ITPR2: variants seen among roughly 807,000 people sequenced by gnomAD.
ITPR2 encodes inositol 1,4,5-trisphosphate receptor type 2, also known as inositol 1,4,5-trisphosphate-gated calcium channel ITPR2.
A neutral mutation model predicts 317.1 loss-of-function variants in ITPR2; 207 were observed. That is an observed-to-expected ratio of 0.65 (90% CI 0.58 to 0.73). The LOEUF is 0.73. Among genes scored for constraint, ITPR2 ranks in the 30% least tolerant of loss-of-function variants. The probability of loss-of-function intolerance (pLI) is 0.00; values close to 1 mark genes in which losing one functional copy is unlikely to be tolerated. For synonymous variants in ITPR2, 1,156 were observed against 1,149.1 expected (o/e 1.01, Z -0.12); for missense variants, 2,613 against 3,284.0 (o/e 0.80, Z 4.99).
intron 47 of ITPR2, among the ~76,000 whole-genome samples, chr12:26,438,564 GAGAT>G (rs1941414000): frequency 1.3e-5 from 2 of 152,154 alleles, no homozygotes; most frequent in South Asian, 4.1e-4. Context: ...TGGGACCTAA[GAGAT>G]AGGTCATGGG....
chr12:26,811,964 C>T (rs1429277820), intron 1 of ITPR2, among the ~76,000 whole-genome samples: 1 of 151,196 alleles, frequency 6.6e-6, no homozygotes. Flanking sequence ...GAGTTCAAGA[C>T]CAGCCTGGCC....
chr12:26,643,377 A>G (rs1011805312), intron 21 of ITPR2, among the ~76,000 whole-genome samples: 8 of 152,244 alleles, frequency 5.3e-5, no homozygotes, highest in Non-Finnish European at 1.0e-4. Flanking sequence ...GAAACTGGGT[A>G]GTGGGTAGAG....
chr12:26,625,971 T>C (rs985672644), intron 23 of ITPR2, among the ~76,000 whole-genome samples: 2 of 152,154 alleles, frequency 1.3e-5, no homozygotes, highest in African/African-American at 2.4e-5. Flanking sequence ...TGTGTGTTTG[T>C]TTGTTATTGA....
At chr12:26,531,912 A>G (rs1041622093) in intron 37 of ITPR2, among the ~76,000 whole-genome samples, 1 of 152,258 alleles carries the variant, frequency 6.6e-6, no homozygotes, top group Admixed American at 6.5e-5. Flanking sequence ...GATTGGCATA[A>G]GAGAACTGGT....
In ITPR2 at chr12:26,693,944, A is replaced by T. The variant is rs1261530098; in HGVS notation, c.996+1662T>A. 2.6e-5 allele frequency among the ~76,000 whole-genome samples: 4 copies of T among 152,300 alleles called. No homozygotes were observed. The East Asian group carries it at 5.8e-4, about 22-fold the overall frequency. On this transcript the variant is annotated intron_variant, in intron 10 of 56. Transcript: ENST00000381340. The stretch of plus-strand genomic sequence containing the variant: ...GACGAACATCTTCATCCCATTACAC[A>T]GGTGGGGAAACTGAGTCTCAAGAAA...
chr12:26,365,877 G>T (rs1020575801), intron 55 of ITPR2, among the ~76,000 whole-genome samples: 1 of 152,094 alleles, frequency 6.6e-6, no homozygotes, highest in African/African-American at 2.4e-5. Flanking sequence ...ATTTCTTTTT[G>T]AATATTATTT....
intron 37 of ITPR2, among the ~76,000 whole-genome samples, chr12:26,536,371 G>A (rs1333750585): frequency 6.6e-6 from 1 of 152,042 alleles, no homozygotes; most frequent in African/African-American, 2.4e-5. Flanking sequence ...ATTTTATTAG[G>A]ACAGTTTGTT....
intron 37 of ITPR2, among the ~76,000 whole-genome samples, chr12:26,547,348 C>G (rs1232234287): frequency 1.3e-5 from 2 of 152,110 alleles, no homozygotes; most frequent in African/African-American, 2.4e-5. Context: ...AAAATGACAA[C>G]AGGGTATTAT....
intron 54 of ITPR2, among the ~76,000 whole-genome samples, chr12:26,391,669 A>G (rs1939854252): frequency 6.9e-6 from 1 of 145,586 alleles, no homozygotes; most frequent in Non-Finnish European, 1.5e-5. Context: ...GGTTTAAGCG[A>G]TTCTCCTGCC....
chr12:26,354,199 G>A (rs574042595), intron 55 of ITPR2, among the ~76,000 whole-genome samples: 357 of 152,122 alleles, frequency 2.3e-3, no homozygotes, highest in Non-Finnish European at 4.2e-3. Context: ...TCTTGAACCC[G>A]GGAGGTGGAG....
At chr12:26,624,674 T>C (rs1946580050) in intron 23 of ITPR2, among the ~76,000 whole-genome samples, 1 of 151,324 alleles carries the variant, frequency 6.6e-6, no homozygotes, top group African/African-American at 2.4e-5. Flanking sequence ...AAACAGGCAA[T>C]AATAAATGCT....
chr12:26,793,429 G>A (rs1009567169), intron 1 of ITPR2, among the ~76,000 whole-genome samples: 1 of 152,106 alleles, frequency 6.6e-6, no homozygotes, highest in African/African-American at 2.4e-5. Context: ...TTCTGGGGAC[G>A]AGGACTGTGT....
At chr12:26,339,637 A>G (rs1565478367) in intron 56 of ITPR2, among the ~76,000 whole-genome samples, 154 bp from the exon 57 acceptor site, 1 of 152,126 alleles carries the variant, frequency 6.6e-6, no homozygotes, top group East Asian at 1.9e-4. Flanking sequence ...TTTAAAAGTG[A>G]ATTTCCATAA....
At chr12:26,714,439 T>C (rs1948702653) in intron 8 of ITPR2, among the ~76,000 whole-genome samples, 1 of 152,222 alleles carries the variant, frequency 6.6e-6, no homozygotes, top group East Asian at 1.9e-4. Context: ...ATCTTTTAGA[T>C]AGTCATTCTC....
chr12:26,530,512 G>A (rs9669045), intron 37 of ITPR2, among the ~76,000 whole-genome samples: 54,731 of 152,090 alleles, frequency 0.36, 12,251 homozygotes, highest in Non-Finnish European at 0.5. Flanking sequence ...GTAGGAAGAA[G>A]ACCATTGTTC....
intron 54 of ITPR2, among the ~76,000 whole-genome samples, chr12:26,397,765 T>C (rs1940045153): frequency 6.6e-6 from 1 of 152,194 alleles, no homozygotes; most frequent in Non-Finnish European, 1.5e-5. Flanking sequence ...ATTTGTTACA[T>C]ACAGTAACGT....
chr12:26,583,743 C>G (rs941264080), intron 32 of ITPR2, among the ~76,000 whole-genome samples: 1 of 152,004 alleles, frequency 6.6e-6, no homozygotes, highest in African/African-American at 2.4e-5. Context: ...TAATGAGTAC[C>G]TAAATCTCTC....
chr12:26,692,605 ACAGGGTC>A (rs1315631299), intron 10 of ITPR2, among the ~76,000 whole-genome samples: 1 of 152,172 alleles, frequency 6.6e-6, no homozygotes, highest in East Asian at 1.9e-4. Context: ...TCCAATGTTT[ACAGGGTC>A]CCTGTGGATG....
intron 38 of ITPR2, 86 bp downstream of exon 38, chr12:26,495,066 G>A: frequency 1.3e-6 from 1 of 770,792 alleles, no homozygotes. Flanking sequence ...TTATATATCT[G>A]CCATTTCAGT....
Sources: allele counts gnomAD v4.1 joint callset (sites outside exome capture counted in the v4.1 genomes callset), GRCh38; gene constraint gnomAD v4.1.1; transcripts MANE v1.5; gene names NCBI Gene and HGNC (gene_info 2026-07-23, HGNC 2026-07-21).